Variants in JAKMIP2 observed in about 807,000 individuals in gnomAD.
JAKMIP2 encodes the protein janus kinase and microtubule-interacting protein 2.
Under a neutral mutation model 115.0 loss-of-function variants are expected in JAKMIP2, and 25 were observed. The ratio of observed to expected loss-of-function variants is 0.22; its 90% CI spans 0.16 to 0.30. The LOEUF is 0.30. Ranked by LOEUF, JAKMIP2 falls within the 10% of genes least tolerant of loss-of-function variation. JAKMIP2 has a pLI of 1.00. For missense variants in JAKMIP2, 642 were observed against 957.6 expected, an observed-to-expected ratio of 0.67 and a Z score of 4.35; for synonymous variants, 334 against 343.6, an observed-to-expected ratio of 0.97 and a Z score of 0.31.
At chr5:147,628,545 A>T (rs930541193) in intron 16 of JAKMIP2, among the ~76,000 whole-genome samples, 2 of 152,182 alleles carry the variant, frequency 1.3e-5, no homozygotes, top group South Asian at 4.2e-4. Flanking sequence ...TCAAAGCAAA[A>T]ATTAGCCACC....
chr5:147,770,211 A>C (rs114608026), intron 1 of JAKMIP2, among the ~76,000 whole-genome samples: 2,644 of 152,158 alleles, frequency 0.017, 97 homozygotes, highest in African/African-American at 0.061. Context: ...AAAGGGCTTC[A>C]TTGCATTCCA....
At chr5:147,760,625 G>C (rs1042993924) in intron 1 of JAKMIP2, among the ~76,000 whole-genome samples, 2 of 152,148 alleles carry the variant, frequency 1.3e-5, no homozygotes, top group Non-Finnish European at 2.9e-5. Flanking sequence ...AACTAGGGCA[G>C]CTGTGGATAA....
chr5:147,711,400 T>C (rs1752774752), intron 1 of JAKMIP2, among the ~76,000 whole-genome samples: 1 of 152,148 alleles, frequency 6.6e-6, no homozygotes, highest in Non-Finnish European at 1.5e-5. Flanking sequence ...AGTAGTGAAT[T>C]ACAGGGATAG....
At chr5:147,614,937 G>T (rs556542506) in intron 19 of JAKMIP2, among the ~76,000 whole-genome samples, 1 of 152,180 alleles carries the variant, frequency 6.6e-6, no homozygotes, top group African/African-American at 2.4e-5. Context: ...TTCTTGGATC[G>T]TAGGTATCTT....
chr5:147,662,091 A>G (rs1054709344), intron 2 of JAKMIP2: 3 of 151,328 alleles, frequency 2.0e-5, no homozygotes, highest in Admixed American at 1.3e-4. Context: ...GAGGTGAAAA[A>G]TGAAGACAGT....
rs1345695252 is a variant in JAKMIP2 at position 147,591,398 on chromosome 5, C to A, written c.*309G>T. 5.4e-5 allele frequency: 22 copies of A among 405,908 alleles called. No individual in the cohort carries two copies. The highest frequency in any genetic ancestry group is 7.4e-5 in the Non-Finnish European group (17 of 228,216). 25.1% of individuals were successfully genotyped at this position (405,908 alleles called of 1,614,324 possible). On this transcript the variant is annotated 3_prime_UTR_variant, in exon 22 of 22. Transcript: ENST00000616793. ...TTGCTTGATCTGCAGAAACTAGTTC[C>A]ATTGCTGAACTTTTTCTTTACACAA... is the stretch of plus-strand genomic sequence containing the variant.
intron 20 of JAKMIP2, among the ~76,000 whole-genome samples, chr5:147,605,002 T>G (rs1755921895): frequency 1.3e-5 from 2 of 150,428 alleles, no homozygotes. Flanking sequence ...CAGGCCCTGG[T>G]GTGTGATGTT....
intron 1 of JAKMIP2, among the ~76,000 whole-genome samples, chr5:147,746,799 A>G (rs944163930): frequency 6.6e-6 from 1 of 152,210 alleles, no homozygotes; most frequent in Non-Finnish European, 1.5e-5. Context: ...CTATTCACAT[A>G]TTTAACTTTA....
chr5:147,677,932 CCTAA>C (rs1023731350), intron 1 of JAKMIP2, among the ~76,000 whole-genome samples: 1 of 152,150 alleles, frequency 6.6e-6, no homozygotes, highest in Non-Finnish European at 1.5e-5. Flanking sequence ...ACTTACTCCT[CCTAA>C]CTCACTGAAA....
chr5:147,606,876 T>C (rs1341913571), intron 20 of JAKMIP2, among the ~76,000 whole-genome samples: 1 of 152,204 alleles, frequency 6.6e-6, no homozygotes, highest in Non-Finnish European at 1.5e-5. Context: ...GGATTTTAGT[T>C]CTTCTTGAAG....
chr5:147,662,281 T>A (rs1418718889), intron 2 of JAKMIP2, among the ~76,000 whole-genome samples: 5 of 152,102 alleles, frequency 3.3e-5, no homozygotes, highest in African/African-American at 1.2e-4. Context: ...GAATGTGCCA[T>A]GAATGTCTCT....
intron 19 of JAKMIP2, among the ~76,000 whole-genome samples, chr5:147,615,600 T>C (rs1282466463): frequency 6.6e-6 from 1 of 152,132 alleles, no homozygotes; most frequent in East Asian, 1.9e-4. Context: ...GAGAAGAATC[T>C]GTGATGAGAT....
At chr5:147,610,924 T>C (rs937491442) in intron 20 of JAKMIP2, among the ~76,000 whole-genome samples, 1 of 152,198 alleles carries the variant, frequency 6.6e-6, no homozygotes, top group African/African-American at 2.4e-5. Flanking sequence ...TACAGCAGCT[T>C]TGTGGCCCTG....
chr5:147,772,244 C>T (rs1459695499), intron 1 of JAKMIP2, among the ~76,000 whole-genome samples: 1 of 152,082 alleles, frequency 6.6e-6, no homozygotes, highest in African/African-American at 2.4e-5. Context: ...TTTGAAGCTG[C>T]AAATCATACT....
intron 17 of JAKMIP2, among the ~76,000 whole-genome samples, chr5:147,621,894 C>T (rs1366933247): frequency 6.6e-6 from 1 of 151,978 alleles, no homozygotes; most frequent in Non-Finnish European, 1.5e-5. Flanking sequence ...TGAGACAGAG[C>T]TTCGCTCTTG....
intron 1 of JAKMIP2, among the ~76,000 whole-genome samples, chr5:147,727,482 C>A (rs1006576729): frequency 2.6e-5 from 4 of 152,146 alleles, no homozygotes; most frequent in African/African-American, 9.7e-5. Context: ...AAGCAAGGAA[C>A]CTTCTTCACA....
intron 1 of JAKMIP2, among the ~76,000 whole-genome samples, chr5:147,763,738 C>A (rs1755015042): frequency 6.6e-6 from 1 of 152,086 alleles, no homozygotes; most frequent in African/African-American, 2.4e-5. Context: ...GAATTAGGCA[C>A]TTTGAGCTTT....
chr5:147,654,736 C>T lies in JAKMIP2; in HGVS notation c.628-4189G>A, dbSNP rs530748880. 2.0e-5 allele frequency among the ~76,000 whole-genome samples: 3 copies of T among 152,312 alleles called. No homozygotes were observed. The South Asian group carries it at 6.2e-4, about 32-fold the overall frequency. On this transcript the variant is annotated intron_variant, in intron 3 of 21. Coordinates refer to ENST00000616793, the MANE Select transcript of JAKMIP2 (RefSeq NM_001270941.2). ...TCTTGCCTGATTACCCTGGCCAGAG[C>T]TTCCAATGCTATGTTGACTAGGAGT...
At position 147,741,780 on chromosome 5, in the gene JAKMIP2, G is replaced by A. The variant is rs555255502; in HGVS notation, c.-149+40676C>T. Among the ~76,000 whole-genome samples the A allele has an allele frequency of 9.2e-5, 14 of 151,980 alleles. No homozygotes were observed. The South Asian group carries it at 2.7e-3, about 29-fold the overall frequency. ...TTAATGCTACTAGTTTAGAATCAAC[G>A]GTCAGTATAATCAATACTTGAGCCT... On this transcript the variant is annotated intron_variant, in intron 1 of 21. Transcript: ENST00000616793.
Sources: allele counts gnomAD v4.1 joint callset (sites outside exome capture counted in the v4.1 genomes callset), GRCh38; gene constraint gnomAD v4.1.1; transcripts MANE v1.5; gene names NCBI Gene and HGNC (gene_info 2026-07-23, HGNC 2026-07-21).